TSPAN9: variants seen among roughly 807,000 people sequenced by gnomAD.
TSPAN9 encodes tetraspanin-9.
TSPAN9 carries 16 observed loss-of-function variants against 31.0 expected under a neutral mutation model. The observed-to-expected ratio is 0.52, with a 90% confidence interval of 0.35 to 0.78. TSPAN9 has a LOEUF of 0.78. Ranked by LOEUF, TSPAN9 falls within the 30% of genes least tolerant of loss-of-function variation. TSPAN9 has a pLI of 0.01. For synonymous variants in TSPAN9, 145 were observed against 121.6 expected (o/e 1.19, Z -1.27); for missense variants, 272 against 312.5 (o/e 0.87, Z 0.98).
chr12:3,253,679 G>T (rs1169582316), intron 3 of TSPAN9, among the ~76,000 whole-genome samples: 4 of 152,246 alleles, frequency 2.6e-5, no homozygotes, highest in African/African-American at 4.8e-5. Flanking sequence ...GGTCCACAGG[G>T]TGACAGGTGG....
chr12:3,242,274 C>A (rs1441262072), intron 3 of TSPAN9, among the ~76,000 whole-genome samples: 1 of 152,228 alleles, frequency 6.6e-6, no homozygotes, highest in African/African-American at 2.4e-5. Context: ...GAGGCCCTTG[C>A]CAGCAGCCTG....
intron 3 of TSPAN9, among the ~76,000 whole-genome samples, chr12:3,245,354 C>T (rs1862101913): frequency 6.6e-6 from 1 of 152,200 alleles, no homozygotes. Context: ...TCCTGGGTCT[C>T]CACCCTGACC....
intron 3 of TSPAN9, among the ~76,000 whole-genome samples, chr12:3,220,162 A>T (rs895008990): frequency 6.6e-6 from 1 of 151,676 alleles, no homozygotes. Context: ...AAAAAAAAGG[A>T]ATGAATCTAG....
rs1990331 is a variant in TSPAN9, at chr12:3,164,833, G to A, written c.-17-36344G>A. Among the ~76,000 whole-genome samples, 111 of 152,336 alleles carry A rather than the reference G, an allele frequency of 7.3e-4. 1 individual carries two copies. In the East Asian group the frequency reaches 0.013, roughly 17 times the overall value. ...GGATGGCAAGGAGGTCCTGTCTTGG[G>A]TAGAGTAAAGAGCATTAGGGTGAGG... On this transcript the variant is annotated intron_variant, in intron 2 of 8. Coordinates refer to ENST00000011898, the MANE Select transcript of TSPAN9 (RefSeq NM_006675.5).
chr12:3,234,040 C>T (rs1243263327), intron 3 of TSPAN9, among the ~76,000 whole-genome samples: 2 of 152,292 alleles, frequency 1.3e-5, no homozygotes, highest in Middle Eastern at 3.4e-3. Flanking sequence ...CTTGTGTAAA[C>T]GTGGGTGTGT....
intron 2 of TSPAN9, among the ~76,000 whole-genome samples, chr12:3,141,420 G>A (rs554410493): frequency 5.7e-4 from 87 of 152,118 alleles, no homozygotes; most frequent in Non-Finnish European, 6.9e-4. Flanking sequence ...TGCAGCGCAC[G>A]GTGATGCCCT....
At chr12:3,282,148 G>A (rs1027755962) in intron 8 of TSPAN9, 26 of 612,466 alleles carry the variant, frequency 4.2e-5, no homozygotes, top group Non-Finnish European at 7.3e-5. Context: ...GGTGTCCCCC[G>A]GTCACCATCT....
intron 3 of TSPAN9, among the ~76,000 whole-genome samples, chr12:3,257,635 C>G (rs983533122): frequency 6.6e-6 from 1 of 152,090 alleles, no homozygotes; most frequent in African/African-American, 2.4e-5. Flanking sequence ...CCTGCACCTC[C>G]TGCCCCCTCT....
chr12:3,282,817 C>G (rs1478174874), intron 8 of TSPAN9, among the ~76,000 whole-genome samples: 1 of 152,268 alleles, frequency 6.6e-6, no homozygotes, highest in Non-Finnish European at 1.5e-5. Flanking sequence ...TCGATGGCTT[C>G]TGGTCTAACA....
At chr12:3,139,868 T>C (rs1241490602) in intron 2 of TSPAN9, among the ~76,000 whole-genome samples, 1 of 152,178 alleles carries the variant, frequency 6.6e-6, no homozygotes, top group African/African-American at 2.4e-5. Context: ...TTTATGTTCC[T>C]TCACAGCAGG....
chr12:3,216,499 C>T (rs3741947), intron 3 of TSPAN9, among the ~76,000 whole-genome samples: 21,142 of 152,140 alleles, frequency 0.14, 1,826 homozygotes, highest in African/African-American at 0.24. Flanking sequence ...CCAGGATTTT[C>T]GTACCGTCTC....
At chr12:3,240,877 T>C (rs968063328) in intron 3 of TSPAN9, among the ~76,000 whole-genome samples, 2 of 152,236 alleles carry the variant, frequency 1.3e-5, no homozygotes, top group Non-Finnish European at 2.9e-5. Context: ...TAGCGATCAG[T>C]AAACATGACA....
chr12:3,267,797 C>T (rs1464329714), intron 3 of TSPAN9, among the ~76,000 whole-genome samples: 3 of 152,182 alleles, frequency 2.0e-5, no homozygotes, highest in African/African-American at 4.8e-5. Flanking sequence ...CCTCAGGCTG[C>T]CTCCTCGTGG....
intron 3 of TSPAN9, among the ~76,000 whole-genome samples, chr12:3,209,960 A>G (rs1469006318): frequency 1.9e-5 from 1 of 51,394 alleles, no homozygotes; most frequent in Non-Finnish European, 4.1e-5. Context: ...CTCTGTCCCA[A>G]AAAAAAAAAA....
chr12:3,281,378 C>A (rs918202995), intron 7 of TSPAN9, 49 bp downstream of exon 7: 1 of 1,518,456 alleles, frequency 6.6e-7, no homozygotes, highest in Non-Finnish European at 8.8e-7. Flanking sequence ...TGTGTGGATG[C>A]CCCGGCACGG....
chr12:3,276,141 C>T (rs184207037), intron 3 of TSPAN9, among the ~76,000 whole-genome samples: 146 of 152,016 alleles, frequency 9.6e-4, no homozygotes, highest in Non-Finnish European at 1.7e-3. Flanking sequence ...GGACAGACGC[C>T]TCCCTGAGGA....
chr12:3,242,049 C>G (rs2098396857), intron 3 of TSPAN9, among the ~76,000 whole-genome samples: 1 of 152,246 alleles, frequency 6.6e-6, no homozygotes, highest in Non-Finnish European at 1.5e-5. Context: ...AGAGAACATT[C>G]TTGCTCCCCG....
At chr12:3,272,336 C>G (rs1287672988) in intron 3 of TSPAN9, among the ~76,000 whole-genome samples, 1 of 152,166 alleles carries the variant, frequency 6.6e-6, no homozygotes, top group East Asian at 1.9e-4. Context: ...TGGTCCTGTT[C>G]CCCAGCTATG....
rs34675914 is a variant in TSPAN9 at position 3,079,771 on chromosome 12, A to ATTT, written c.-85+2334_-85+2336dup. 2.9e-3 allele frequency among the ~76,000 whole-genome samples: 382 copies of ATTT among 129,664 alleles called. 8 individuals are homozygous for ATTT. The highest frequency in any genetic ancestry group is 0.01 in the African/African-American group (359 of 34,646). The allele number at this position is 129,664 out of a possible 152,430, so 85.1% of individuals were successfully genotyped here. A position where few individuals can be genotyped will look rare whatever the true frequency, so the allele number is the denominator to read the frequency against. On this transcript the variant is annotated intron_variant, in intron 1 of 8. Coordinates refer to ENST00000011898, the MANE Select transcript of TSPAN9 (RefSeq NM_006675.5). Reference sequence around the variant, plus strand: ...ACCACCGTACTTAGCCCCTTCTTCTATTTTTTTTTTTTTTTTTTAGAGACA... The same window carrying ATTT: ...ACCACCGTACTTAGCCCCTTCTTCTATTTTTTTTTTTTTTTTTTTTTAGAGACA...
Sources: allele counts gnomAD v4.1 joint callset (sites outside exome capture counted in the v4.1 genomes callset), GRCh38; gene constraint gnomAD v4.1.1; transcripts MANE v1.5; gene names NCBI Gene and HGNC (gene_info 2026-07-23, HGNC 2026-07-21).